TRAPPC6A: variants seen among roughly 807,000 people sequenced by gnomAD.
TRAPPC6A encodes the protein trafficking protein particle complex subunit 6A, also known as TRAPP complex subunit 6A.
Under a neutral mutation model 20.8 loss-of-function variants are expected in TRAPPC6A, and 25 were observed. The observed-to-expected ratio is 1.20, with a 90% CI of 0.88 to 1.68. TRAPPC6A has a LOEUF of 1.68. Among genes scored for constraint, TRAPPC6A ranks in the 40% most tolerant of loss-of-function variants. The pLI is 0.00. For missense variants in TRAPPC6A, 215 were observed against 211.6 expected (o/e 1.02, Z -0.10); for synonymous variants, 96 against 93.3 (o/e 1.03, Z -0.16).
At chr19:45,177,226 G>C (rs926561318) in intron 1 of TRAPPC6A, among the ~76,000 whole-genome samples, 1 of 147,682 alleles carries the variant, frequency 6.8e-6, no homozygotes, top group Non-Finnish European at 1.5e-5. Context: ...CACAGTCCCG[G>C]GCCAGTCACG....
In TRAPPC6A at chr19:45,164,969, G is replaced by A. The variant is rs1429024217; in HGVS notation, c.154C>T (p.Leu52=). Residue 52 remains leucine, a splice_region_variant and synonymous_variant, in exon 3 of 6, where the codon CTG becomes TTG. Coordinates refer to ENST00000585934, the MANE Select transcript of TRAPPC6A (RefSeq NM_001270891.2). ...CTGAAGGCCAGCGTCTCCCGGGGCA[G>A]CCTGGTGGGGCAGTACCAAGCTGAG... ...FRVGQALGER[L]PRETLAFREE... 6.2e-7 allele frequency: 1 copy of A among 1,614,026 alleles called. No homozygotes were observed. Among genetic ancestry groups the A allele is most frequent in the South Asian group, 1.1e-5 (1 of 91,086 alleles).
chr19:45,175,502 C>T (rs1969351659), intron 1 of TRAPPC6A, among the ~76,000 whole-genome samples: 2 of 151,552 alleles, frequency 1.3e-5, no homozygotes, highest in African/African-American at 4.9e-5. Flanking sequence ...GAGAGGGAGA[C>T]CAGGAGAATG....
chr19:45,164,771 T>TCTGGCGCC (rs1969108478), intron 3 of TRAPPC6A, 82 bp downstream of exon 3: 27 of 1,354,752 alleles, frequency 2.0e-5, no homozygotes, highest in Non-Finnish European at 2.8e-5. Flanking sequence ...CAGCCGCTGC[T>TCTGGCGCC]CTGGCGCCGG....
intron 1 of TRAPPC6A, among the ~76,000 whole-genome samples, chr19:45,171,490 G>A (rs543925717): frequency 6.6e-6 from 1 of 152,288 alleles, no homozygotes; most frequent in Admixed American, 6.5e-5. Flanking sequence ...TCTTATCAGT[G>A]TCGGTGCTAA....
In TRAPPC6A at chr19:45,165,131, C is replaced by G. The variant is rs144400437; in HGVS notation, c.148G>C (p.Glu50Gln). The change falls in exon 2 of 6, where the codon GAG becomes CAG. Residue 50 changes from glutamate (E) to glutamine (Q), a missense_variant. Physicochemically the swap from Glu to Gln is conservative, Grantham distance 29. Coordinates refer to ENST00000585934, the MANE Select transcript of TRAPPC6A (RefSeq NM_001270891.2). ...MGFRVGQALG[E>Q]RLPRETLAFR... ...AGCAGGAGGGGCCGCGCTCACCTCT[C>G]GCCTAGAGCCTGGCCCACACGGAAC... 14 of 1,611,900 alleles carry G rather than the reference C, an allele frequency of 8.7e-6. No homozygotes were observed. Among genetic ancestry groups the G allele is most frequent in the Non-Finnish European group, 1.2e-5 (14 of 1,179,064 alleles).
intron 3 of TRAPPC6A, 43 bp from the exon 4 acceptor site, chr19:45,164,290 CA>C (rs772327313): frequency 7.3e-7 from 1 of 1,363,470 alleles, no homozygotes; most frequent in Admixed American, 2.2e-5. Context: ...GGGGCCTGTA[CA>C]TTTGAAGCGC....
At position 45,178,234 on chromosome 19, in the gene TRAPPC6A, G is replaced by A. The variant is rs374599713; in HGVS notation, c.-16C>T. 18 of 1,576,230 alleles carry A rather than the reference G, an allele frequency of 1.1e-5. No individual in the cohort carries two copies. The highest frequency in any genetic ancestry group is 1.6e-5 in the Non-Finnish European group (18 of 1,156,708). ...TATCCGCCATGCCCCCTCCTCGCAC[G>A]CCTAAAGATGCGCCCAGCGCTTCCA... is the stretch of plus-strand genomic sequence containing the variant. On this transcript the variant is annotated 5_prime_UTR_variant, in exon 1 of 6. Transcript: ENST00000585934.
At chr19:45,165,707 C>T (rs1019196519) in intron 1 of TRAPPC6A, among the ~76,000 whole-genome samples, 6 of 152,158 alleles carry the variant, frequency 3.9e-5, no homozygotes, top group African/African-American at 7.2e-5. Flanking sequence ...CTGGGGAACA[C>T]GTGGAAGCTC....
At position 45,177,332 on chromosome 19, in the gene TRAPPC6A, A is replaced by G. The variant is rs532045846; in HGVS notation, c.84+803T>C. Among the ~76,000 whole-genome samples, 365 of 149,120 alleles carry G rather than the reference A, an allele frequency of 2.4e-3. 2 individuals carry two copies. The highest frequency in any genetic ancestry group is 8.6e-3 in the African/African-American group (352 of 40,744). ...AGACCAGCCTAGGCAACATGGCAAA[A>G]CCCCATTATCTCTTTTTTTTTTTTC... On this transcript the variant is annotated intron_variant, in intron 1 of 5. Transcript: ENST00000585934.
rs1000749091 is a variant in TRAPPC6A at position 45,164,952 on chromosome 19, C to T, written c.171G>A (p.Leu57=). Residue 57 remains leucine, a synonymous_variant, in exon 3 of 6, where the codon CTG becomes CTA. Transcript: ENST00000585934. ...GGACATCCAGCTCCTCCCTGAAGGC[C>T]AGCGTCTCCCGGGGCAGCCTGGTGG... ...ALGERLPRET[L]AFREELDVLK... is the part of the protein sequence containing the mutation. 6.2e-7 allele frequency: 1 copy of T among 1,614,146 alleles called. No homozygotes were observed. The highest frequency in any genetic ancestry group is 8.5e-7 in the Non-Finnish European group (1 of 1,179,984).
At chr19:45,169,376 A>T (rs1222345308) in intron 1 of TRAPPC6A, among the ~76,000 whole-genome samples, 4 of 152,180 alleles carry the variant, frequency 2.6e-5, no homozygotes, top group Non-Finnish European at 4.4e-5. Context: ...GGCTCACTGC[A>T]GCCTCTACCT....
chr19:45,167,270 T>C (rs1178151228), intron 1 of TRAPPC6A, among the ~76,000 whole-genome samples: 1 of 152,208 alleles, frequency 6.6e-6, no homozygotes, highest in African/African-American at 2.4e-5. Context: ...TTGGAAACTA[T>C]GGCTTTAAGC....
chr19:45,165,876 G>T (rs1484316382), intron 1 of TRAPPC6A, among the ~76,000 whole-genome samples: 2 of 152,068 alleles, frequency 1.3e-5, no homozygotes, highest in Non-Finnish European at 2.9e-5. Flanking sequence ...GCCTGTGTGT[G>T]TGGAGGGCAT....
In TRAPPC6A at chr19:45,163,435, G is replaced by C. The variant is rs777563743; in HGVS notation, c.449-212C>G. On this transcript the variant is annotated intron_variant, in intron 5 of 5. Transcript: ENST00000585934. This position sits in a 1 kb window ranked among gnomAD's most constrained non-coding sequence, Gnocchi z 5.3. ...GTGGCCCCAGGGAAGCGCCCGGCACGGGCTTCTGTGGTATGCATTGCTCGG... is the reference window on the plus strand; with the variant it reads ...GTGGCCCCAGGGAAGCGCCCGGCACCGGCTTCTGTGGTATGCATTGCTCGG... Among the ~76,000 whole-genome samples the C allele has an allele frequency of 1.3e-5, 2 of 152,156 alleles. No homozygotes were observed. The highest frequency in any genetic ancestry group is 6.5e-5 in the Admixed American group (1 of 15,284).
chr19:45,168,320 A>G (rs1272811568), intron 1 of TRAPPC6A, among the ~76,000 whole-genome samples: 1 of 152,202 alleles, frequency 6.6e-6, no homozygotes, highest in African/African-American at 2.4e-5. Flanking sequence ...TGTCTTAAAA[A>G]ATAAATAAAA....
chr19:45,176,340 T>C (rs752585915), intron 1 of TRAPPC6A, among the ~76,000 whole-genome samples: 1 of 150,482 alleles, frequency 6.6e-6, no homozygotes, highest in Non-Finnish European at 1.5e-5. Flanking sequence ...GGCAGGCACC[T>C]GTAGTCCCAA....
In TRAPPC6A at chr19:45,164,232, G is replaced by GCAGGA; in HGVS notation, c.281_285dup (p.Gln96SerfsTer62). 1 of 1,607,084 alleles carries GCAGGA rather than the reference G, an allele frequency of 6.2e-7. No individual in the cohort carries two copies. Among genetic ancestry groups the GCAGGA allele is most frequent in the Non-Finnish European group, 8.5e-7 (1 of 1,176,366 alleles). On this transcript the variant is annotated frameshift_variant, in exon 4 of 6. Transcript: ENST00000585934. LOFTEE classifies it high-confidence loss of function. The stretch of plus-strand genomic sequence containing the variant: ...AGGAGGAGGGGGAAGCTGTTGTCTT[G>GCAGGA]CAGGACGTAGGTCCCCTGGGGGAGA...
Position 45,172,525 on chromosome 19 carries a change from C to G in TRAPPC6A, c.84+5610G>C, listed in dbSNP as rs1373850649. On this transcript the variant is annotated intron_variant, in intron 1 of 5. Coordinates refer to ENST00000585934, the MANE Select transcript of TRAPPC6A (RefSeq NM_001270891.2). This position sits in a 1 kb window ranked among gnomAD's most constrained non-coding sequence, Gnocchi z 4.2. ...TGTGGTGGGGAACCCAGGGAAGGAG[C>G]AGCCCTGGTTAAGAAAAGCACACAG... Among the ~76,000 whole-genome samples, 1 of 151,628 alleles carries G rather than the reference C, an allele frequency of 6.6e-6. No individual in the cohort carries two copies. Among genetic ancestry groups the G allele is most frequent in the Admixed American group, 6.6e-5 (1 of 15,256 alleles).
At chr19:45,166,613 G>A (rs764641021) in intron 1 of TRAPPC6A, among the ~76,000 whole-genome samples, 2 of 151,848 alleles carry the variant, frequency 1.3e-5, no homozygotes, top group Non-Finnish European at 2.9e-5. Flanking sequence ...CGGCTGGGGC[G>A]TGAGGCGCCA....
Sources: allele counts gnomAD v4.1 joint callset (sites outside exome capture counted in the v4.1 genomes callset), GRCh38; gene constraint gnomAD v4.1.1; non-coding constraint Gnocchi (gnomAD v3.1); transcripts MANE v1.5; gene names NCBI Gene and HGNC (gene_info 2026-07-23, HGNC 2026-07-21).